MYO16: variants seen among roughly 807,000 people sequenced by gnomAD.
MYO16 encodes the protein myosin XVI.
A neutral mutation model predicts 205.3 loss-of-function variants in MYO16; 94 were observed. The ratio of observed to expected loss-of-function variants is 0.46; its 90% CI spans 0.39 to 0.54. MYO16 has a LOEUF of 0.54. Among genes scored for constraint, MYO16 ranks in the 20% least tolerant of loss-of-function variants. The pLI, the probability that MYO16 is intolerant of heterozygous loss-of-function variation, is 0.00. For synonymous variants in MYO16, 988 were observed against 954.0 expected (o/e 1.04, Z -0.66); for missense variants, 2,315 against 2,387.5 (o/e 0.97, Z 0.63).
intron 4 of MYO16, among the ~76,000 whole-genome samples, chr13:108,738,554 C>A (rs1884787070): frequency 6.6e-6 from 1 of 152,228 alleles, no homozygotes; most frequent in African/African-American, 2.4e-5. Flanking sequence ...GCTTTACTTC[C>A]AACTATGTGG....
At chr13:108,686,091 T>C (rs957298597) in intron 2 of MYO16, among the ~76,000 whole-genome samples, 3 of 152,202 alleles carry the variant, frequency 2.0e-5, no homozygotes, top group Non-Finnish European at 4.4e-5. Flanking sequence ...TTTCAGGACG[T>C]AGCAGAGCTC....
At chr13:108,804,405 C>A (rs1244641723) in intron 6 of MYO16, among the ~76,000 whole-genome samples, 1 of 152,132 alleles carries the variant, frequency 6.6e-6, no homozygotes, top group Non-Finnish European at 1.5e-5. Context: ...TCTGAGACAC[C>A]ACAGGGATCA....
the MYO16 span, among the ~76,000 whole-genome samples, chr13:108,568,538 G>T: frequency 1.3e-5 from 2 of 152,008 alleles, no homozygotes; most frequent in Admixed American, 6.6e-5. Context: ...TACTTGGGTT[G>T]TCTGATTGTT....
intron 20 of MYO16, among the ~76,000 whole-genome samples, chr13:108,983,725 A>G (rs1464746005): frequency 2.6e-5 from 4 of 152,176 alleles, no homozygotes; most frequent in East Asian, 1.9e-4. Context: ...TGCCTGAGGA[A>G]TAGGTTCCAT....
chr13:108,857,689 C>T (rs556859278), intron 11 of MYO16, among the ~76,000 whole-genome samples: 2 of 152,332 alleles, frequency 1.3e-5, no homozygotes, highest in African/African-American at 2.4e-5. Context: ...AGCCCATGTG[C>T]AAGAATAGGT....
At chr13:108,677,369 A>G (rs1273509663) in intron 2 of MYO16, among the ~76,000 whole-genome samples, 4 of 146,898 alleles carry the variant, frequency 2.7e-5, no homozygotes, top group African/African-American at 7.5e-5. Flanking sequence ...ATATATATAT[A>G]TATGCATATA....
intron 1 of MYO16, among the ~76,000 whole-genome samples, chr13:108,656,174 A>G (rs1448955820): frequency 1.3e-5 from 2 of 152,242 alleles, no homozygotes; most frequent in East Asian, 1.9e-4. Flanking sequence ...TAACTCCCAC[A>G]TGTTGTGGGA....
At chr13:108,744,120 C>T (rs1884989142) in intron 4 of MYO16, among the ~76,000 whole-genome samples, 1 of 152,220 alleles carries the variant, frequency 6.6e-6, no homozygotes, top group African/African-American at 2.4e-5. Context: ...TAAATGACCA[C>T]ACATACAATA....
intron 27 of MYO16, among the ~76,000 whole-genome samples, chr13:109,095,019 C>A (rs1253839321): frequency 1.3e-5 from 2 of 152,206 alleles, no homozygotes; most frequent in Non-Finnish European, 2.9e-5. Flanking sequence ...CCAGCACAGA[C>A]TTTGTGCTCA....
chr13:109,011,862 A>C (rs894820269), intron 22 of MYO16, among the ~76,000 whole-genome samples: 2 of 152,126 alleles, frequency 1.3e-5, no homozygotes, highest in African/African-American at 2.4e-5. Context: ...AAAACAATTA[A>C]AATATTTAAG....
chr13:109,105,666 A>G (rs1269824497), intron 28 of MYO16, among the ~76,000 whole-genome samples: 2 of 152,240 alleles, frequency 1.3e-5, no homozygotes, highest in Non-Finnish European at 2.9e-5. Flanking sequence ...ATAGGGTCAA[A>G]TTAATTATTT....
the MYO16 span, among the ~76,000 whole-genome samples, chr13:108,548,355 C>T: frequency 2.0e-5 from 3 of 146,896 alleles, no homozygotes; most frequent in Non-Finnish European, 3.0e-5. Flanking sequence ...ATGACGCTGA[C>T]GATGATGATG....
chr13:108,592,728 C>CTGTGTGTGTGTGTGTGTGTGTGTGTG (rs55845447), upstream of MYO16, among the ~76,000 whole-genome samples: 7 of 139,306 alleles, frequency 5.0e-5, no homozygotes, highest in Non-Finnish European at 1.1e-4. Flanking sequence ...GTGAGGGTGG[C>CTGTGTGTGTGTGTGTGTGTGTGTGTG]TGTGTGTGTG....
At chr13:108,841,210 A>T (rs1477620123) in intron 9 of MYO16, among the ~76,000 whole-genome samples, 1 of 152,244 alleles carries the variant, frequency 6.6e-6, no homozygotes, top group African/African-American at 2.4e-5. Context: ...TCAATGAATG[A>T]TAATGAATGA....
intron 34 of MYO16, among the ~76,000 whole-genome samples, chr13:109,190,115 G>T (rs1879850374): frequency 6.6e-6 from 1 of 150,902 alleles, no homozygotes; most frequent in Non-Finnish European, 1.5e-5. Context: ...TTGTTGTTCT[G>T]TTTAAGAAAA....
In MYO16 at chr13:108,858,697, T is replaced by G. The variant is rs116592914; in HGVS notation, c.1359+3144T>G. Among the ~76,000 whole-genome samples the G allele has an allele frequency of 3.3e-3, 501 of 152,256 alleles. 4 individuals carry two copies. The highest frequency in any genetic ancestry group is 0.011 in the African/African-American group (452 of 41,548). On this transcript the variant is annotated intron_variant, in intron 11 of 34. Coordinates refer to ENST00000457511, the MANE Select transcript of MYO16 (RefSeq NM_001198950.3). ...TTCTCTTGACCTCCCCTCTGTCTAT[T>G]CTCAACACAAAAATTCAGAGTAACA...
At chr13:108,680,664 G>T (rs7989628) in intron 2 of MYO16, among the ~76,000 whole-genome samples, 3,515 of 152,218 alleles carry the variant, frequency 0.023, 121 homozygotes, top group African/African-American at 0.079. Context: ...TGGAGAAATT[G>T]GTCTTACTAC....
At chr13:108,630,458 G>C (rs1442385601) in intron 1 of MYO16, among the ~76,000 whole-genome samples, 1 of 152,158 alleles carries the variant, frequency 6.6e-6, no homozygotes, top group Non-Finnish European at 1.5e-5. Flanking sequence ...TTGTCACCAG[G>C]TTCTCTTTTG....
Position 108,855,493 on chromosome 13 carries a change from G to T in MYO16, c.1299G>T (p.Glu433Asp). The T allele has an allele frequency of 6.3e-7, 1 of 1,598,294 alleles. No individual in the cohort carries two copies. The highest frequency in any genetic ancestry group is 8.6e-7 in the Non-Finnish European group (1 of 1,167,712). Residue 433 changes from glutamate (E) to aspartate (D), a missense_variant, in exon 11 of 35, where the codon GAG becomes GAT. Physicochemically the swap from Glu to Asp is conservative, Grantham distance 45. Coordinates refer to ENST00000457511, the MANE Select transcript of MYO16 (RefSeq NM_001198950.3). ...ACGATGACCTGGCAACGCTCAGCGA[G>T]CTCAATGATGGCAGCCTGCTCTATG... is the stretch of plus-strand genomic sequence containing the variant. ...APNDDLATLS[E>D]LNDGSLLYEI...
Sources: allele counts gnomAD v4.1 joint callset (sites outside exome capture counted in the v4.1 genomes callset), GRCh38; gene constraint gnomAD v4.1.1; transcripts MANE v1.5; gene names NCBI Gene and HGNC (gene_info 2026-07-23, HGNC 2026-07-21).